Variants in AKAIN1 observed in about 807,000 individuals in gnomAD.
AKAIN1 encodes the protein A-kinase anchor protein inhibitor 1.
Under a neutral mutation model 3.7 loss-of-function variants are expected in AKAIN1, and 3 were observed. The observed-to-expected ratio is 0.82, with a 90% confidence interval of 0.37 to 2.12. The LOEUF is 2.12. AKAIN1 is among the 30% of genes most tolerant of loss of function. The pLI is 0.06. For missense variants in AKAIN1, 82 were observed against 82.7 expected (o/e 0.99, Z 0.03); for synonymous variants, 31 against 30.8 (o/e 1.01, Z -0.02).
At chr18:5,147,328 T>G (rs1414076725) in intron 1 of AKAIN1, among the ~76,000 whole-genome samples, 1 of 152,166 alleles carries the variant, frequency 6.6e-6, no homozygotes, top group Non-Finnish European at 1.5e-5. Flanking sequence ...CAACTGCTCT[T>G]TTGTATTTTT....
intron 1 of AKAIN1, among the ~76,000 whole-genome samples, chr18:5,194,688 T>G (rs2071338478): frequency 6.6e-6 from 1 of 152,194 alleles, no homozygotes; most frequent in Non-Finnish European, 1.5e-5. Flanking sequence ...CTACAATGTG[T>G]TTTGAAGGGC....
intron 1 of AKAIN1, among the ~76,000 whole-genome samples, chr18:5,161,070 G>A (rs928168923): frequency 1.2e-4 from 17 of 147,390 alleles, no homozygotes; most frequent in Admixed American, 4.1e-4. Flanking sequence ...AAAATATTAG[G>A]TTCAAAAACT....
Position 5,145,351 on chromosome 18 carries a change from T to C in AKAIN1, c.*211A>G. ...ATTACAGTGTCATATTTGGCCCCAC[T>C]ATGTCTCAGAGGCACTGCATAAATA... On this transcript the variant is annotated 3_prime_UTR_variant, in exon 2 of 2. Coordinates refer to ENST00000434239, the MANE Select transcript of AKAIN1 (RefSeq NM_001145194.2). 2.5e-6 allele frequency: 1 copy of C among 402,206 alleles called. No homozygotes were observed. Among genetic ancestry groups the C allele is most frequent in the African/African-American group, 2.0e-5 (1 of 49,394 alleles). 24.9% of individuals were successfully genotyped at this position (402,206 alleles called of 1,614,324 possible). A position where few individuals can be genotyped will look rare whatever the true frequency, so the allele number is the denominator to read the frequency against.
At chr18:5,179,399 A>ATATG (rs570372125) in intron 1 of AKAIN1, among the ~76,000 whole-genome samples, 155 of 148,156 alleles carry the variant, frequency 1.0e-3, no homozygotes, top group Middle Eastern at 7.0e-3. Context: ...ATGGCTGAGT[A>ATATG]TATGTATGTA....
chr18:5,191,208 A>C (rs1030868764), intron 1 of AKAIN1, among the ~76,000 whole-genome samples: 1 of 152,202 alleles, frequency 6.6e-6, no homozygotes, highest in East Asian at 1.9e-4. Flanking sequence ...TTAGAAAAGA[A>C]GAAATAAAAC....
At chr18:5,150,281 A>G (rs534862158) in intron 1 of AKAIN1, among the ~76,000 whole-genome samples, 4 of 152,202 alleles carry the variant, frequency 2.6e-5, no homozygotes, top group Non-Finnish European at 5.9e-5. Context: ...GAAGTACACT[A>G]CAACCAACAG....
At chr18:5,182,278 G>A (rs1444993756) in intron 1 of AKAIN1, among the ~76,000 whole-genome samples, 1 of 152,132 alleles carries the variant, frequency 6.6e-6, no homozygotes, top group Non-Finnish European at 1.5e-5. Context: ...CCTAACTGAT[G>A]ATCCAATGTT....
chr18:5,185,452 C>A (rs1446812701), intron 1 of AKAIN1, among the ~76,000 whole-genome samples: 1 of 152,108 alleles, frequency 6.6e-6, no homozygotes, highest in African/African-American at 2.4e-5. Context: ...ATGCATCCAA[C>A]AAAGGTCTAA....
intron 1 of AKAIN1, among the ~76,000 whole-genome samples, chr18:5,166,697 C>T (rs767889600): frequency 6.6e-6 from 1 of 152,082 alleles, no homozygotes; most frequent in Non-Finnish European, 1.5e-5. Flanking sequence ...TGTTATTCCA[C>T]CATTACTCAA....
At chr18:5,166,630 A>G (rs2071169368) in intron 1 of AKAIN1, among the ~76,000 whole-genome samples, 1 of 152,166 alleles carries the variant, frequency 6.6e-6, no homozygotes, top group Non-Finnish European at 1.5e-5. Context: ...AATCCATTTC[A>G]GATATGACAG....
chr18:5,162,013 A>G (rs1399069436), intron 1 of AKAIN1, among the ~76,000 whole-genome samples: 1 of 152,184 alleles, frequency 6.6e-6, no homozygotes, highest in East Asian at 1.9e-4. Context: ...TGTACCACAG[A>G]CCAAAAACAA....
chr18:5,146,937 C>T (rs754204273), intron 1 of AKAIN1, among the ~76,000 whole-genome samples: 1 of 152,226 alleles, frequency 6.6e-6, no homozygotes, highest in Non-Finnish European at 1.5e-5. Context: ...GCAGTCTACC[C>T]AGCACTGATT....
chr18:5,166,856 A>G (rs1459058011), intron 1 of AKAIN1, among the ~76,000 whole-genome samples: 3 of 152,104 alleles, frequency 2.0e-5, no homozygotes, highest in Non-Finnish European at 2.9e-5. Context: ...AGTTGTAGAC[A>G]CTTTTTAAAC....
At chr18:5,194,304 A>G (rs1210151189) in intron 1 of AKAIN1, among the ~76,000 whole-genome samples, 2 of 152,182 alleles carry the variant, frequency 1.3e-5, no homozygotes, top group Non-Finnish European at 2.9e-5. Flanking sequence ...ATTATAGTCT[A>G]TTAATAATAA....
chr18:5,197,620 G>T, upstream of AKAIN1: 1 of 463,660 alleles, frequency 2.2e-6, no homozygotes, highest in Non-Finnish European at 3.5e-6. This position sits in a 1 kb window ranked among gnomAD's most constrained non-coding sequence, Gnocchi z 6.9. Context: ...CTGGAGGTCC[G>T]TGAGTCCTCT....
intron 1 of AKAIN1, among the ~76,000 whole-genome samples, chr18:5,153,724 A>C (rs2071091380): frequency 1.3e-5 from 2 of 152,260 alleles, no homozygotes; most frequent in Non-Finnish European, 2.9e-5. Flanking sequence ...GATAGATACT[A>C]TAATGATGGA....
At chr18:5,165,726 A>C (rs1202482519) in intron 1 of AKAIN1, among the ~76,000 whole-genome samples, 2 of 152,024 alleles carry the variant, frequency 1.3e-5, no homozygotes, top group African/African-American at 4.8e-5. Context: ...TGTAGGCCTC[A>C]TGTATCACCA....
intron 1 of AKAIN1, among the ~76,000 whole-genome samples, chr18:5,174,750 T>C (rs192558412): frequency 2.3e-4 from 35 of 149,330 alleles, no homozygotes; most frequent in Middle Eastern, 7.1e-3. Flanking sequence ...AAAAAAAAAA[T>C]GTAGAAAGCA....
rs2071038159 is a variant in AKAIN1, at chr18:5,144,575, C to T, written c.*987G>A. ...CATTGTGTTCTCATGTATTCCTGAC[C>T]TGTATGATTTTCATAATCTCAAAAA... On this transcript the variant is annotated 3_prime_UTR_variant, in exon 2 of 2. Transcript: ENST00000434239. 6.6e-6 allele frequency among the ~76,000 whole-genome samples: 1 copy of T among 152,124 alleles called. No homozygotes were observed. The highest frequency in any genetic ancestry group is 1.5e-5 in the Non-Finnish European group (1 of 68,036).
Sources: allele counts gnomAD v4.1 joint callset (sites outside exome capture counted in the v4.1 genomes callset), GRCh38; gene constraint gnomAD v4.1.1; non-coding constraint Gnocchi (gnomAD v3.1); transcripts MANE v1.5; gene names NCBI Gene and HGNC (gene_info 2026-07-23, HGNC 2026-07-21).